Variants in PAK4 observed in about 807,000 individuals in gnomAD.
PAK4 encodes the protein p21 (RAC1) activated kinase 4, also known as serine/threonine-protein kinase PAK 4.
A neutral mutation model predicts 53.5 loss-of-function variants in PAK4; 49 were observed. The ratio of observed to expected loss-of-function variants is 0.92; its 90% CI spans 0.73 to 1.16. PAK4 has a LOEUF of 1.16. PAK4 is among the 50% of genes most tolerant of loss of function. PAK4 has a pLI of 0.00. For missense variants in PAK4, 824 were observed against 850.7 expected (o/e 0.97, Z 0.39); for synonymous variants, 376 against 375.6 (o/e 1.00, Z -0.01).
Position 39,173,100 on chromosome 19 carries a change from A to G in PAK4, c.387A>G (p.Pro129=). ...CGGCCACCACGGCCAGAGGGGGCCC[A>G]GGGAAGGCAGGCAGCCGAGGCCGGT... Residue 129 remains proline (P), a synonymous_variant, in exon 3 of 9, where the codon CCA becomes CCG. Transcript: ENST00000358301. This position sits in a 1 kb window ranked among gnomAD's most constrained non-coding sequence, Gnocchi z 6.9. 2 of 1,548,048 alleles carry G rather than the reference A, an allele frequency of 1.3e-6. No individual in the cohort carries two copies. The highest frequency in any genetic ancestry group is 1.7e-6 in the Non-Finnish European group (2 of 1,146,142).
At chr19:39,140,689 C>T (rs1415181005) in intron 1 of PAK4, among the ~76,000 whole-genome samples, 1 of 152,184 alleles carries the variant, frequency 6.6e-6, no homozygotes, top group Non-Finnish European at 1.5e-5. Context: ...GATGAGGGCT[C>T]CCCTTGCCTC....
At chr19:39,147,954 C>CTT (rs60141249) in intron 1 of PAK4, among the ~76,000 whole-genome samples, 2,547 of 111,736 alleles carry the variant, frequency 0.023, 159 homozygotes, top group African/African-American at 0.09. Context: ...TATTCTCTCT[C>CTT]TTTTTTTTTT....
chr19:39,125,881 T>C (rs4803206), exon 1 of PAK4: 30,863 of 153,008 alleles, frequency 0.2, 3,740 homozygotes, highest in East Asian at 0.32. Context: ...GAGTTCCAGG[T>C]CGAGCAGTTA....
chr19:39,126,457 GGGGGC>G (rs2073581766), intron 1 of PAK4, among the ~76,000 whole-genome samples: 1 of 135,298 alleles, frequency 7.4e-6, no homozygotes, highest in African/African-American at 2.7e-5. Context: ...GGGGGGGGGG[GGGGGC>G]CGGGTCAGAG....
rs1383041067 is a variant in PAK4, at chr19:39,174,131, C to G, written c.1098+121C>G. ...CTGGGCCAGGCTCCCCTCCTCCCCT[C>G]ACTCTTCTCCCTCCCCAGGCCGTCT... is the stretch of plus-strand genomic sequence containing the variant. On this transcript the variant is annotated intron_variant, in intron 4 of 8. Transcript: ENST00000358301. The G allele has an allele frequency of 4.3e-6, 3 of 689,818 alleles. No homozygotes were observed. In the African/African-American group the frequency reaches 5.4e-5, roughly 12 times the overall value. 42.7% of individuals were successfully genotyped at this position (689,818 alleles called of 1,614,324 possible).
At chr19:39,128,300 C>T (rs1356047040) in intron 1 of PAK4, among the ~76,000 whole-genome samples, 2 of 152,200 alleles carry the variant, frequency 1.3e-5, no homozygotes, top group South Asian at 2.1e-4. Flanking sequence ...CCACCACTGC[C>T]TGGGGAGGGC....
At chr19:39,145,181 C>T (rs1455785420) in intron 1 of PAK4, among the ~76,000 whole-genome samples, 1 of 152,204 alleles carries the variant, frequency 6.6e-6, no homozygotes, top group Non-Finnish European at 1.5e-5. Flanking sequence ...TGACCACCCT[C>T]AGGCCCGCTG....
chr19:39,158,284 C>G (rs1236449749), intron 1 of PAK4, among the ~76,000 whole-genome samples: 1 of 152,056 alleles, frequency 6.6e-6, no homozygotes, highest in Non-Finnish European at 1.5e-5. Flanking sequence ...GCTTCGCTCG[C>G]TGCTGTGTGT....
Position 39,167,695 on chromosome 19 carries a change from C to T in PAK4, c.-22-1837C>T, listed in dbSNP as rs58561880. Among the ~76,000 whole-genome samples, 1,179 of 152,236 alleles carry T rather than the reference C, an allele frequency of 7.7e-3. 18 individuals carry two copies. Among genetic ancestry groups the T allele is most frequent in the South Asian group, 0.023 (113 of 4,828 alleles). ...CTGCCGGGCCCCCACCCCCCTCCCA[C>T]GGGGCTCCCGCTGCCAAACCGGTTC... On this transcript the variant is annotated intron_variant, in intron 1 of 8. Transcript: ENST00000358301.
intron 1 of PAK4, among the ~76,000 whole-genome samples, chr19:39,130,259 A>G (rs12978766): frequency 4.3e-5 from 2 of 46,038 alleles, no homozygotes; most frequent in Non-Finnish European, 8.6e-5. Flanking sequence ...GAGTGGTCAG[A>G]GAAGGATGGG....
In PAK4 at chr19:39,173,436, A is replaced by G. The variant is rs1001521140; in HGVS notation, c.663+60A>G. The G allele has an allele frequency of 8.0e-7, 1 of 1,254,346 alleles. No homozygotes were observed. The highest frequency in any genetic ancestry group is 2.2e-5 in the African/African-American group (1 of 46,036). The allele number at this position is 1,254,346 out of a possible 1,614,324, so 77.7% of individuals were successfully genotyped here. ...CCCTGCCCGTTGCTCCTCTGTCCCCACCTTCCAGCCCCGCCCCACCACCGT... is the reference window on the plus strand; with the variant it reads ...CCCTGCCCGTTGCTCCTCTGTCCCCGCCTTCCAGCCCCGCCCCACCACCGT... On this transcript the variant is annotated intron_variant, in intron 3 of 8. Transcript: ENST00000358301. This position sits in a 1 kb window ranked among gnomAD's most constrained non-coding sequence, Gnocchi z 6.9.
rs374718270 is a variant in PAK4, at chr19:39,145,049, T to A, written c.-23+19130T>A. Among the ~76,000 whole-genome samples, 11 of 152,228 alleles carry A rather than the reference T, an allele frequency of 7.2e-5. No individual in the cohort carries two copies. The East Asian group carries it at 7.7e-4, about 11-fold the overall frequency. Reference sequence around the variant, plus strand: ...CATCACCAGCTCCCTGAAAGCCCTCTCCTTCACCTGCCCTTCCCAGTGCTA... The same window carrying A: ...CATCACCAGCTCCCTGAAAGCCCTCACCTTCACCTGCCCTTCCCAGTGCTA... On this transcript the variant is annotated intron_variant, in intron 1 of 8. Coordinates refer to ENST00000358301, the Ensembl canonical transcript of PAK4.
At chr19:39,176,866 T>G in intron 7 of PAK4, 151 bp downstream of exon 8, 1 of 908,068 alleles carries the variant, frequency 1.1e-6, no homozygotes, top group Non-Finnish European at 1.6e-6. Flanking sequence ...ATGCATGTAT[T>G]CATTCTTCTT....
At chr19:39,126,780 C>T (rs1016429402) in intron 1 of PAK4, among the ~76,000 whole-genome samples, 1 of 152,198 alleles carries the variant, frequency 6.6e-6, no homozygotes, top group Non-Finnish European at 1.5e-5. Context: ...ACACTGTGCT[C>T]CACGCCCTGT....
chr19:39,170,711 G>T (rs981999319), intron 2 of PAK4, among the ~76,000 whole-genome samples: 1 of 152,256 alleles, frequency 6.6e-6, no homozygotes, highest in African/African-American at 2.4e-5. Context: ...GAAGCCCCAA[G>T]GCCCACAAGT....
Position 39,175,134 on chromosome 19 carries a change from A to G in PAK4, c.1232+70A>G, listed in dbSNP as rs959725501. 5 of 1,540,718 alleles carry G rather than the reference A, an allele frequency of 3.2e-6. No homozygotes were observed. In the East Asian group the frequency reaches 9.0e-5, roughly 28 times the overall value. On this transcript the variant is annotated intron_variant, in intron 5 of 8. Transcript: ENST00000358301. The surrounding 1 kb of genome is among the most constrained non-coding windows in gnomAD (Gnocchi z 4.7). Reference sequence around the variant, plus strand: ...CCTCCAGACCACTAGGGGTGGGGCCACATCTCCAAACCAGCTGTGCTCCGG... The same window carrying G: ...CCTCCAGACCACTAGGGGTGGGGCCGCATCTCCAAACCAGCTGTGCTCCGG...
rs1392355936 is a variant in PAK4, at chr19:39,175,899, A to G, written c.1359+461A>G. Among the ~76,000 whole-genome samples the G allele has an allele frequency of 6.6e-6, 1 of 152,240 alleles. No individual in the cohort carries two copies. The highest frequency in any genetic ancestry group is 1.5e-5 in the Non-Finnish European group (1 of 68,044). On this transcript the variant is annotated intron_variant, in intron 6 of 8. Coordinates refer to ENST00000358301, the Ensembl canonical transcript of PAK4. This position sits in a 1 kb window ranked among gnomAD's most constrained non-coding sequence, Gnocchi z 4.7. Reference sequence around the variant, plus strand: ...CCCTTGACTTGAATGAAATGCTTGCAGAAGTGGATGACTCCATCCCCTCCC... The same window carrying G: ...CCCTTGACTTGAATGAAATGCTTGCGGAAGTGGATGACTCCATCCCCTCCC...
chr19:39,169,416 G>A, intron 1 of PAK4, 116 bp from the exon 3 acceptor site: 1 of 744,670 alleles, frequency 1.3e-6, no homozygotes, highest in Non-Finnish European at 2.3e-6. Flanking sequence ...CCCAGAAGGA[G>A]GCTACTGCCT....
At chr19:39,176,634 A>G (rs760863108) in exon 7 of PAK4, 2 of 1,613,788 alleles carry the variant, frequency 1.2e-6, no homozygotes, top group Non-Finnish European at 1.7e-6. Context: ...TGAGCAAGGA[A>G]GTGCCCCGAA....
Sources: allele counts gnomAD v4.1 joint callset (sites outside exome capture counted in the v4.1 genomes callset), GRCh38; gene constraint gnomAD v4.1.1; non-coding constraint Gnocchi (gnomAD v3.1); transcripts MANE v1.5; gene names NCBI Gene and HGNC (gene_info 2026-07-23, HGNC 2026-07-21).